CUX1: variants seen among roughly 807,000 people sequenced by gnomAD.
CUX1 encodes the protein protein CASP.
Under a neutral mutation model 158.8 loss-of-function variants are expected in CUX1, and 31 were observed. That is an observed-to-expected ratio of 0.20 (90% CI 0.15 to 0.26). CUX1 has a LOEUF of 0.26. Ranked by LOEUF, CUX1 falls within the 10% of genes least tolerant of loss-of-function variation. The pLI, the probability that CUX1 is intolerant of heterozygous loss-of-function variation, is 1.00. For synonymous variants in CUX1, 879 were observed against 862.1 expected (o/e 1.02, Z -0.34); for missense variants, 1,589 against 2,014.6 (o/e 0.79, Z 4.04).
intron 8 of CUX1, among the ~76,000 whole-genome samples, chr7:102,140,771 A>G (rs1026040079): frequency 5.3e-5 from 8 of 151,626 alleles, no homozygotes; most frequent in Non-Finnish European, 8.8e-5. Flanking sequence ...AGGCTGAGGC[A>G]GGAGAATCTC....
At chr7:102,265,206 AT>A (rs1335121884) in intron 14 of CUX1, among the ~76,000 whole-genome samples, 1 of 151,936 alleles carries the variant, frequency 6.6e-6, no homozygotes, top group African/African-American at 2.4e-5. Flanking sequence ...AAATACAAAA[AT>A]TAGCCGGGCA....
intron 8 of CUX1, chr7:102,115,485 G>A: frequency 1.0e-5 from 5 of 484,498 alleles, no homozygotes; most frequent in Non-Finnish European, 1.1e-5. Context: ...GTGAAGGCTG[G>A]TCACTGCTAT....
chr7:101,855,607 C>T (rs867154050), intron 1 of CUX1, among the ~76,000 whole-genome samples: 2 of 152,136 alleles, frequency 1.3e-5, no homozygotes, highest in African/African-American at 4.8e-5. Context: ...AGGCCGGGCG[C>T]GGTGGCTCAT....
intron 1 of CUX1, among the ~76,000 whole-genome samples, chr7:101,876,025 G>C (rs144298854): frequency 6.6e-6 from 1 of 152,250 alleles, no homozygotes; most frequent in Non-Finnish European, 1.5e-5. Context: ...TAAACAGAAA[G>C]CTAGGTGAGT....
chr7:101,867,736 A>G (rs1798079134), intron 1 of CUX1, among the ~76,000 whole-genome samples: 1 of 152,222 alleles, frequency 6.6e-6, no homozygotes, highest in African/African-American at 2.4e-5. Context: ...AATTAAGCAT[A>G]TGGAAGCAAA....
intron 2 of CUX1, among the ~76,000 whole-genome samples, chr7:101,963,914 A>G (rs1293068981): frequency 6.6e-6 from 1 of 152,034 alleles, no homozygotes; most frequent in Non-Finnish European, 1.5e-5. Flanking sequence ...ACCTTCCCAA[A>G]GTGTTGGGAT....
intron 5 of CUX1, 91 bp from the exon 6 acceptor site, chr7:102,104,245 C>A: frequency 7.7e-7 from 1 of 1,292,466 alleles, no homozygotes; most frequent in East Asian, 2.4e-5. Flanking sequence ...TAAAACACAC[C>A]GATCCTACCA....
At chr7:102,094,581 G>A (rs1317981422) in intron 4 of CUX1, among the ~76,000 whole-genome samples, 1 of 152,194 alleles carries the variant, frequency 6.6e-6, no homozygotes, top group Non-Finnish European at 1.5e-5. Flanking sequence ...CTGGCCTTTT[G>A]AAAAGAATGA....
In CUX1 at chr7:102,107,848, G is replaced by T. The variant is rs151040478; in HGVS notation, c.530+3389G>T. Among the ~76,000 whole-genome samples, 1,381 of 152,306 alleles carry T rather than the reference G, an allele frequency of 9.1e-3. 12 individuals are homozygous for T. Among genetic ancestry groups the T allele is most frequent in the Non-Finnish European group, 0.015 (987 of 68,028 alleles). ...GTGGCCACCTGGAGCCCTGGTTGCCGGACCAAGGCCAGTCCCTTGGGGCCA... is the reference window on the plus strand; with the variant it reads ...GTGGCCACCTGGAGCCCTGGTTGCCTGACCAAGGCCAGTCCCTTGGGGCCA... On this transcript the variant is annotated intron_variant, in intron 6 of 23. Transcript: ENST00000292535.
intron 17 of CUX1, among the ~76,000 whole-genome samples, chr7:102,275,819 G>A (rs1554547630): frequency 6.6e-6 from 1 of 152,020 alleles, no homozygotes; most frequent in African/African-American, 2.4e-5. Flanking sequence ...GACCAGCCTG[G>A]CCAACATGGT....
chr7:101,822,567 T>C (rs1792783365), intron 1 of CUX1: 1 of 152,210 alleles, frequency 6.6e-6, no homozygotes, highest in African/African-American at 2.4e-5. Context: ...TGTGCTGCCC[T>C]ATTCGGGTAT....
At chr7:102,221,842 C>T (rs898696829) in intron 20 of CUX1, among the ~76,000 whole-genome samples, 1 of 151,858 alleles carries the variant, frequency 6.6e-6, no homozygotes, top group Non-Finnish European at 1.5e-5. Flanking sequence ...TGCAGTGGGG[C>T]TTTTAAAATA....
intron 6 of CUX1, among the ~76,000 whole-genome samples, chr7:102,106,053 G>A (rs1830308924): frequency 6.9e-6 from 1 of 145,066 alleles, no homozygotes; most frequent in Non-Finnish European, 1.5e-5. Flanking sequence ...TTCCTATGCT[G>A]AATACTTGGT....
intron 1 of CUX1, among the ~76,000 whole-genome samples, chr7:101,892,707 A>G (rs1198468790): frequency 6.6e-6 from 1 of 151,894 alleles, no homozygotes; most frequent in Non-Finnish European, 1.5e-5. Context: ...ACTTTTTTTC[A>G]TTTTTGTGTA....
intron 1 of CUX1, among the ~76,000 whole-genome samples, chr7:101,890,819 C>T (rs1001792045): frequency 7.9e-5 from 12 of 152,072 alleles, no homozygotes; most frequent in African/African-American, 2.7e-4. Flanking sequence ...TGGCTGTTAC[C>T]GTCACCATCT....
At chr7:101,887,484 AT>A (rs1181790635) in intron 1 of CUX1, among the ~76,000 whole-genome samples, 1 of 151,432 alleles carries the variant, frequency 6.6e-6, no homozygotes, top group African/African-American at 2.4e-5. Context: ...TTTTTATTTT[AT>A]TTTTTTAGAG....
intron 3 of CUX1, among the ~76,000 whole-genome samples, chr7:102,030,071 G>A (rs1422020383): frequency 6.6e-6 from 1 of 151,854 alleles, no homozygotes; most frequent in Non-Finnish European, 1.5e-5. Flanking sequence ...GAGTGCAATG[G>A]CACAATCTCA....
chr7:101,860,253 G>A lies in CUX1; in HGVS notation c.30+42584G>A, dbSNP rs974340037. On this transcript the variant is annotated intron_variant, in intron 1 of 23. Coordinates refer to ENST00000292535, the MANE Select transcript of CUX1 (RefSeq NM_181552.4). Reference sequence around the variant, plus strand: ...CAGACACACATGAGGTGAGAATAATGAACCCTGTGTGCTGCCCCCAGCATG... The same window carrying A: ...CAGACACACATGAGGTGAGAATAATAAACCCTGTGTGCTGCCCCCAGCATG... Among the ~76,000 whole-genome samples the A allele has an allele frequency of 1.1e-4, 17 of 152,140 alleles. 1 individual carries two copies. Among genetic ancestry groups the A allele is most frequent in the Admixed American group, 7.9e-4 (12 of 15,264 alleles).
At chr7:101,875,620 G>A (rs1286003475) in intron 1 of CUX1, among the ~76,000 whole-genome samples, 3 of 152,072 alleles carry the variant, frequency 2.0e-5, no homozygotes, top group African/African-American at 4.8e-5. Context: ...TGTACCACTC[G>A]TACCTTTCAC....
Sources: allele counts gnomAD v4.1 joint callset (sites outside exome capture counted in the v4.1 genomes callset), GRCh38; gene constraint gnomAD v4.1.1; transcripts MANE v1.5; gene names NCBI Gene and HGNC (gene_info 2026-07-23, HGNC 2026-07-21).